GRM8: variants seen among roughly 807,000 people sequenced by gnomAD.
GRM8 encodes the protein glutamate metabotropic receptor 8, also known as metabotropic glutamate receptor 8.
GRM8 carries 47 observed loss-of-function variants against 87.2 expected under a neutral mutation model. The ratio of observed to expected loss-of-function variants is 0.54; its 90% CI spans 0.43 to 0.69. The LOEUF (loss-of-function observed/expected upper bound fraction) is 0.69, where lower values mean the gene tolerates loss of function less well. Among genes scored for constraint, GRM8 ranks in the 30% least tolerant of loss-of-function variants. The pLI, the probability that GRM8 is intolerant of heterozygous loss-of-function variation, is 0.00. For synonymous variants in GRM8, 396 were observed against 404.5 expected (o/e 0.98, Z 0.25); for missense variants, 1,019 against 1,139.2 (o/e 0.89, Z 1.52).
At chr7:126,988,225 G>A (rs1212886493) in intron 3 of GRM8, among the ~76,000 whole-genome samples, 2 of 152,176 alleles carry the variant, frequency 1.3e-5, no homozygotes, top group Non-Finnish European at 2.9e-5. Flanking sequence ...GCGAAATGAC[G>A]TGCGTCATTT....
At chr7:126,528,187 A>G (rs1440547225) in intron 9 of GRM8, among the ~76,000 whole-genome samples, 1 of 152,120 alleles carries the variant, frequency 6.6e-6, no homozygotes, top group Non-Finnish European at 1.5e-5. Flanking sequence ...CTGGTGACAG[A>G]GCAGAGCAAG....
intron 3 of GRM8, 51 bp downstream of exon 3, chr7:127,106,445 A>T (rs948836218): frequency 2.8e-6 from 4 of 1,410,420 alleles, no homozygotes; most frequent in Non-Finnish European, 4.0e-6. Context: ...ATGCTCAGGC[A>T]TCAGCAATCT....
At chr7:127,087,903 C>T (rs1443111978) in intron 3 of GRM8, among the ~76,000 whole-genome samples, 1 of 152,178 alleles carries the variant, frequency 6.6e-6, no homozygotes, top group African/African-American at 2.4e-5. Context: ...ATAGGGCTCC[C>T]CCAGAGTGCC....
chr7:127,046,243 G>A (rs1481523729), intron 3 of GRM8, among the ~76,000 whole-genome samples: 5 of 152,020 alleles, frequency 3.3e-5, no homozygotes, highest in Admixed American at 2.6e-4. Context: ...GTGGTGGTGG[G>A]CGCCTGTAGT....
At chr7:126,975,903 C>T (rs1299768666) in intron 3 of GRM8, among the ~76,000 whole-genome samples, 2 of 152,068 alleles carry the variant, frequency 1.3e-5, no homozygotes, top group Non-Finnish European at 2.9e-5. Context: ...ACCTCATGAC[C>T]ACCCAGTCCT....
chr7:127,085,432 G>A (rs996031475), intron 3 of GRM8, among the ~76,000 whole-genome samples: 2 of 152,208 alleles, frequency 1.3e-5, no homozygotes, highest in African/African-American at 4.8e-5. Flanking sequence ...CCCACCAACA[G>A]TGTAAAGGCA....
chr7:126,472,857 T>C (rs1403598613), intron 9 of GRM8, among the ~76,000 whole-genome samples: 2 of 152,286 alleles, frequency 1.3e-5, no homozygotes, highest in Non-Finnish European at 1.5e-5. Context: ...TAGGGTCCAA[T>C]GTACAGCTCA....
rs192572043 is a variant in GRM8, at chr7:126,496,812, G to T, written c.2430+36140C>A. On this transcript the variant is annotated intron_variant, in intron 9 of 10. Transcript: ENST00000339582. Reference sequence around the variant, plus strand: ...TAAATCACTTGAGTGTTTCTCAATTGATTTCTCACATTGTTCCTCACAAAA... The same window carrying T: ...TAAATCACTTGAGTGTTTCTCAATTTATTTCTCACATTGTTCCTCACAAAA... Among the ~76,000 whole-genome samples the T allele has an allele frequency of 4.9e-3, 743 of 151,800 alleles. 4 individuals are homozygous for T. The highest frequency in any genetic ancestry group is 0.021 in the South Asian group (102 of 4,806).
intron 2 of GRM8, among the ~76,000 whole-genome samples, chr7:127,108,597 A>C (rs1027047423): frequency 8.6e-5 from 13 of 151,990 alleles, no homozygotes; most frequent in Admixed American, 3.3e-4. Context: ...CCCTGCCTAT[A>C]ATAATGAGCC....
intron 6 of GRM8, among the ~76,000 whole-genome samples, chr7:126,894,374 G>A (rs1207004254): frequency 3.3e-5 from 5 of 151,964 alleles, no homozygotes; most frequent in Admixed American, 2.6e-4. Context: ...TAATATTCCA[G>A]AGATTGTGTT....
chr7:126,441,820 G>T (rs1801496827), intron 10 of GRM8, among the ~76,000 whole-genome samples: 1 of 151,872 alleles, frequency 6.6e-6, no homozygotes. Flanking sequence ...TACTATAGAT[G>T]TTTTTTTCAT....
intron 2 of GRM8, among the ~76,000 whole-genome samples, chr7:127,208,511 G>A (rs149527998): frequency 1.8e-4 from 28 of 152,302 alleles, no homozygotes; most frequent in Admixed American, 8.5e-4. Flanking sequence ...ATTTTTCCAT[G>A]ATGAAACTGA....
At chr7:126,864,063 G>GT (rs1167988864) in intron 6 of GRM8, among the ~76,000 whole-genome samples, 4 of 69,450 alleles carry the variant, frequency 5.8e-5, no homozygotes, top group Non-Finnish European at 7.9e-5. Context: ...TAGAGACAAA[G>GT]TCTTGTTATG....
chr7:126,746,552 A>G (rs1038914996), intron 7 of GRM8, among the ~76,000 whole-genome samples: 2 of 151,670 alleles, frequency 1.3e-5, no homozygotes, highest in Non-Finnish European at 3.0e-5. Flanking sequence ...AAACGCATTC[A>G]CCAGTTTTAC....
At chr7:127,236,297 T>G (rs1292257300) in intron 2 of GRM8, among the ~76,000 whole-genome samples, 2 of 152,264 alleles carry the variant, frequency 1.3e-5, no homozygotes, top group Non-Finnish European at 2.9e-5. Context: ...TCATGTTTCC[T>G]TCTTTCTCCG....
intron 9 of GRM8, among the ~76,000 whole-genome samples, chr7:126,467,169 A>G (rs1178797213): frequency 2.9e-5 from 4 of 136,518 alleles, no homozygotes; most frequent in Non-Finnish European, 4.7e-5. Context: ...GACAGGCTTC[A>G]GTGTGTGATG....
intron 3 of GRM8, chr7:127,084,857 A>C (rs540598213): frequency 6.6e-6 from 1 of 152,332 alleles, no homozygotes; most frequent in South Asian, 2.1e-4. Flanking sequence ...GTACATGTGC[A>C]CAATGTGCAG....
At chr7:127,178,982 A>G (rs1441405295) in intron 2 of GRM8, among the ~76,000 whole-genome samples, 2 of 152,186 alleles carry the variant, frequency 1.3e-5, no homozygotes, top group Admixed American at 6.5e-5. Flanking sequence ...GGCAATAAAG[A>G]GCAAGATGAA....
chr7:126,944,988 G>A (rs1293737975), intron 3 of GRM8, among the ~76,000 whole-genome samples: 1 of 152,156 alleles, frequency 6.6e-6, no homozygotes, highest in Non-Finnish European at 1.5e-5. Context: ...GTTAAGATAT[G>A]GGGAAGCTTT....
Sources: allele counts gnomAD v4.1 joint callset (sites outside exome capture counted in the v4.1 genomes callset), GRCh38; gene constraint gnomAD v4.1.1; transcripts MANE v1.5; gene names NCBI Gene and HGNC (gene_info 2026-07-23, HGNC 2026-07-21).